HSD11B1L: variants seen among roughly 807,000 people sequenced by gnomAD.
HSD11B1L encodes hydroxysteroid 11-beta dehydrogenase 1 like.
In HSD11B1L, 22 loss-of-function variants were observed where a neutral mutation model predicts 27.0. The observed-to-expected ratio is 0.81, with a 90% CI of 0.58 to 1.16. The LOEUF is 1.16. Among genes scored for constraint, HSD11B1L ranks in the 50% most tolerant of loss-of-function variants. The pLI, the probability that HSD11B1L is intolerant of heterozygous loss-of-function variation, is 0.00. For synonymous variants in HSD11B1L, 187 were observed against 189.2 expected (o/e 0.99, Z 0.09); for missense variants, 372 against 401.8 (o/e 0.93, Z 0.63).
In HSD11B1L at chr19:5,686,947, G is replaced by A. The variant is rs1379300065; in HGVS notation, c.364G>A (p.Gly122Ser). The change falls in exon 5 of 8, where the codon GGC becomes AGC. Residue 122 changes from glycine to serine, a missense_variant. Coordinates refer to ENST00000339423, the MANE Select transcript of HSD11B1L (RefSeq NM_198706.3). ...VLNHIGGAPA[G>S]TRARSPQATR... is the part of the protein sequence containing the mutation. Reference sequence around the variant, plus strand: ...GAACCACATCGGCGGCGCCCCGGCCGGCACGCGAGCCCGCAGCCCCCAGGC... The same window carrying A: ...GAACCACATCGGCGGCGCCCCGGCCAGCACGCGAGCCCGCAGCCCCCAGGC... 1 of 1,552,800 alleles carries A rather than the reference G, an allele frequency of 6.4e-7. No individual in the cohort carries two copies. Among genetic ancestry groups the A allele is most frequent in the East Asian group, 2.4e-5 (1 of 41,124 alleles).
rs1472834899 is a variant in HSD11B1L, at chr19:5,687,108, A to G, written c.408+117A>G. ...GAGGGCTCTCCACCCGTCCCGCCCCAGCCACGCCCCTCCTAGCCCAAGCCC... is the reference window on the plus strand; with the variant it reads ...GAGGGCTCTCCACCCGTCCCGCCCCGGCCACGCCCCTCCTAGCCCAAGCCC... On this transcript the variant is annotated intron_variant, in intron 5 of 7. Transcript: ENST00000339423. This position sits in a 1 kb window ranked among gnomAD's most constrained non-coding sequence, Gnocchi z 6.6. 3 of 1,052,318 alleles carry G rather than the reference A, an allele frequency of 2.9e-6. 1 individual carries two copies. The highest frequency in any genetic ancestry group is 4.0e-6 in the Non-Finnish European group (3 of 742,862). 65.2% of individuals were successfully genotyped at this position (1,052,318 alleles called of 1,614,324 possible).
At position 5,686,937 on chromosome 19, in the gene HSD11B1L, C is replaced by A; in HGVS notation, c.354C>A (p.Gly118=). Reference sequence around the variant, plus strand: ...ACCTCGTGCTGAACCACATCGGCGGCGCCCCGGCCGGCACGCGAGCCCGCA... The same window carrying A: ...ACCTCGTGCTGAACCACATCGGCGGAGCCCCGGCCGGCACGCGAGCCCGCA... The part of the protein sequence containing the change: ...LDYLVLNHIG[G]APAGTRARSP... Residue 118 remains glycine (G), a synonymous_variant, in exon 5 of 8, where the codon GGC becomes GGA. Transcript: ENST00000339423. The A allele has an allele frequency of 6.4e-7, 1 of 1,552,890 alleles. No individual in the cohort carries two copies. Among genetic ancestry groups the A allele is most frequent in the Non-Finnish European group, 8.7e-7 (1 of 1,149,356 alleles).
Position 5,687,103 on chromosome 19 carries a change from GC to G in HSD11B1L, c.408+116del. 1 of 1,083,038 alleles carries G rather than the reference GC, an allele frequency of 9.2e-7. No homozygotes were observed. Among genetic ancestry groups the G allele is most frequent in the Non-Finnish European group, 1.3e-6 (1 of 755,964 alleles). The allele number at this position is 1,083,038 out of a possible 1,614,324, so 67.1% of individuals were successfully genotyped here. On this transcript the variant is annotated intron_variant, in intron 5 of 7. Transcript: ENST00000339423. This position sits in a 1 kb window ranked among gnomAD's most constrained non-coding sequence, Gnocchi z 6.6. ...CCAGGGAGGGCTCTCCACCCGTCCC[GC>G]CCCAGCCACGCCCCTCCTAGCCCAA...
chr19:5,685,253 C>T lies in HSD11B1L; in HGVS notation c.204+134C>T, dbSNP rs985641282. The T allele has an allele frequency of 1.9e-5, 23 of 1,198,990 alleles. No homozygotes were observed. Among genetic ancestry groups the T allele is most frequent in the Non-Finnish European group, 2.4e-5 (20 of 840,044 alleles). The allele number at this position is 1,198,990 out of a possible 1,614,324, so 74.3% of individuals were successfully genotyped here. On this transcript the variant is annotated intron_variant, in intron 3 of 7. Coordinates refer to ENST00000339423, the MANE Select transcript of HSD11B1L (RefSeq NM_198706.3). The surrounding 1 kb of genome is among the most constrained non-coding windows in gnomAD (Gnocchi z 4.3). The stretch of plus-strand genomic sequence containing the variant: ...AGTCGCCTAACCTCTCTGAGCCTCT[C>T]AGTTTCCTCATTTGCAAAACGGGGA...
intron 1 of HSD11B1L, among the ~76,000 whole-genome samples, chr19:5,681,967 A>T (rs2054565124): frequency 6.6e-6 from 1 of 152,166 alleles, no homozygotes; most frequent in African/African-American, 2.4e-5. Flanking sequence ...AGGGATGAGC[A>T]GAGGAGCTTC....
At position 5,685,189 on chromosome 19, in the gene HSD11B1L, TC is replaced by T; in HGVS notation, c.204+73del. ...GGGTGGGAAGAGAGCCTGGGTTTAATCCCTGCAATGATCCAGGCTTCCCGTG... is the reference window on the plus strand; with the variant it reads ...GGGTGGGAAGAGAGCCTGGGTTTAATCCTGCAATGATCCAGGCTTCCCGTG... On this transcript the variant is annotated intron_variant, in intron 3 of 7. Transcript: ENST00000339423. This position sits in a 1 kb window ranked among gnomAD's most constrained non-coding sequence, Gnocchi z 4.3. 1 of 1,514,992 alleles carries T rather than the reference TC, an allele frequency of 6.6e-7. No homozygotes were observed. Among genetic ancestry groups the T allele is most frequent in the Non-Finnish European group, 8.9e-7 (1 of 1,127,466 alleles). 93.8% of individuals were successfully genotyped at this position (1,514,992 alleles called of 1,614,324 possible).
chr19:5,686,234 G>A (rs1047906539), intron 3 of HSD11B1L, among the ~76,000 whole-genome samples, 182 bp from the exon 4 acceptor site: 2 of 151,980 alleles, frequency 1.3e-5, no homozygotes, highest in South Asian at 4.1e-4. Flanking sequence ...ATTCTGGCCC[G>A]CGGGCCTCCA....
In HSD11B1L at chr19:5,688,403, G is replaced by A. The variant is rs1378064325; in HGVS notation, c.*458G>A. On this transcript the variant is annotated 3_prime_UTR_variant, in exon 8 of 8. Coordinates refer to ENST00000339423, the MANE Select transcript of HSD11B1L (RefSeq NM_198706.3). ...GTCTCTGGTACTCTTCACACCTGCAGGGGCGTCTACACTGTTCGTCTACCT... is the reference window on the plus strand; with the variant it reads ...GTCTCTGGTACTCTTCACACCTGCAAGGGCGTCTACACTGTTCGTCTACCT... 5.0e-6 allele frequency: 3 copies of A among 598,946 alleles called. No individual in the cohort carries two copies. The Admixed American group carries it at 8.9e-5, about 18-fold the overall frequency. 37.1% of individuals were successfully genotyped at this position (598,946 alleles called of 1,614,324 possible). A position where few individuals can be genotyped will look rare whatever the true frequency, so the allele number is the denominator to read the frequency against.
chr19:5,684,053 A>T, intron 1 of HSD11B1L: 1 of 484,698 alleles, frequency 2.1e-6, no homozygotes. Flanking sequence ...TCGGCACACT[A>T]CAACTTCTGC....
Position 5,686,939 on chromosome 19 carries a change from C to T in HSD11B1L, c.356C>T (p.Ala119Val), listed in dbSNP as rs1387723392. Reference protein sequence around the residue: ...DYLVLNHIGGAPAGTRARSPQ... With the variant: ...DYLVLNHIGGVPAGTRARSPQ... The stretch of plus-strand genomic sequence containing the variant: ...CTCGTGCTGAACCACATCGGCGGCG[C>T]CCCGGCCGGCACGCGAGCCCGCAGC... The change falls in exon 5 of 8, where the codon GCC becomes GTC. Residue 119 changes from alanine to valine, a missense_variant. Coordinates refer to ENST00000339423, the MANE Select transcript of HSD11B1L (RefSeq NM_198706.3). The T allele has an allele frequency of 4.5e-6, 7 of 1,553,040 alleles. No homozygotes were observed. Among genetic ancestry groups the T allele is most frequent in the Admixed American group, 1.9e-5 (1 of 51,640 alleles).
At position 5,687,243 on chromosome 19, in the gene HSD11B1L, GC is replaced by G. The variant is rs1387107085; in HGVS notation, c.409-38del. 34 of 1,603,656 alleles carry G rather than the reference GC, an allele frequency of 2.1e-5. No homozygotes were observed. Among genetic ancestry groups the G allele is most frequent in the Non-Finnish European group, 2.9e-5 (34 of 1,174,662 alleles). The stretch of plus-strand genomic sequence containing the variant: ...GTTTCTGGCCCCGCCCTGCCCCTGG[GC>G]TCCGCCTCTGCCGGTGACTCGCGAG... On this transcript the variant is annotated intron_variant, in intron 5 of 7. Transcript: ENST00000339423. This position sits in a 1 kb window ranked among gnomAD's most constrained non-coding sequence, Gnocchi z 6.6.
In HSD11B1L at chr19:5,688,031, C is replaced by G. The variant is rs908601951; in HGVS notation, c.*86C>G. On this transcript the variant is annotated 3_prime_UTR_variant, in exon 8 of 8. Transcript: ENST00000339423. ...AGCCAGAACACTCACAGAGACACCC[C>G]TGAGAGGGTGGCCACAGCCCAAGAT... The G allele has an allele frequency of 6.4e-7, 1 of 1,551,450 alleles. No homozygotes were observed. Among genetic ancestry groups the G allele is most frequent in the African/African-American group, 1.4e-5 (1 of 73,064 alleles).
Position 5,687,531 on chromosome 19 carries a change from C to T in HSD11B1L, c.531C>T (p.Pro177=). 6.3e-7 allele frequency: 1 copy of T among 1,599,706 alleles called. No individual in the cohort carries two copies. The highest frequency in any genetic ancestry group is 8.5e-7 in the Non-Finnish European group (1 of 1,179,432). Residue 177 remains proline, a synonymous_variant, in exon 7 of 8, where the codon CCC becomes CCT. Coordinates refer to ENST00000339423, the MANE Select transcript of HSD11B1L (RefSeq NM_198706.3). This position sits in a 1 kb window ranked among gnomAD's most constrained non-coding sequence, Gnocchi z 6.6. The part of the protein sequence containing the change: ...LGRVPTSFST[P]YSAAKFALDG... The stretch of plus-strand genomic sequence containing the variant: ...GCGTGCCCACGTCGTTCTCCACTCC[C>T]TACTCGGCGGCCAAGTTTGCGCTGG...
chr19:5,681,880 C>T (rs1568296789), intron 1 of HSD11B1L, among the ~76,000 whole-genome samples: 1 of 152,234 alleles, frequency 6.6e-6, no homozygotes, highest in Non-Finnish European at 1.5e-5. Context: ...TCCACCCATC[C>T]GTCCACCCGT....
In HSD11B1L at chr19:5,687,024, CT is replaced by C. The variant is rs2054713304; in HGVS notation, c.408+34del. 6.6e-7 allele frequency: 1 copy of C among 1,510,384 alleles called. No homozygotes were observed. Among genetic ancestry groups the C allele is most frequent in the African/African-American group, 1.4e-5 (1 of 72,196 alleles). 93.6% of individuals were successfully genotyped at this position (1,510,384 alleles called of 1,614,324 possible). On this transcript the variant is annotated intron_variant, in intron 5 of 7. Coordinates refer to ENST00000339423, the MANE Select transcript of HSD11B1L (RefSeq NM_198706.3). The surrounding 1 kb of genome is among the most constrained non-coding windows in gnomAD (Gnocchi z 6.6). Reference sequence around the variant, plus strand: ...GCTCCTCCGCGGCCCCGGCCCGCCCCTCTATCTCAGGGACCGGTGGTCCGTT... The same window carrying C: ...GCTCCTCCGCGGCCCCGGCCCGCCCCCTATCTCAGGGACCGGTGGTCCGTT...
intron 1 of HSD11B1L, chr19:5,684,370 G>C (rs1568298632): frequency 3.0e-6 from 1 of 330,812 alleles, no homozygotes; most frequent in Non-Finnish European, 5.5e-6. Context: ...CAAGCCATTG[G>C]GTTATATCCG....
Position 5,687,889 on chromosome 19 carries a change from C to T in HSD11B1L, c.805C>T (p.Arg269Cys), listed in dbSNP as rs1360141750. Residue 269 changes from arginine to cysteine, a missense_variant, in exon 8 of 8, where the codon CGC becomes TGC. Transcript: ENST00000339423. This position sits in a 1 kb window ranked among gnomAD's most constrained non-coding sequence, Gnocchi z 6.6. The stretch of plus-strand genomic sequence containing the variant: ...GTGCTTGCTCCGGCGCTGGCTACCG[C>T]GCCCGCGGGCCTGGTTTATCCGCCA... ...LLCLLRRWLP[R>C]PRAWFIRQEL... 1 of 1,579,526 alleles carries T rather than the reference C, an allele frequency of 6.3e-7. No homozygotes were observed. The highest frequency in any genetic ancestry group is 1.1e-5 in the South Asian group (1 of 87,360).
Position 5,686,501 on chromosome 19 carries a change from T to C in HSD11B1L, c.290T>C (p.Val97Ala). The change falls in exon 4 of 8, where the codon GTG (valine) becomes GCG (alanine). Residue 97 changes from valine (V) to alanine (A), a missense_variant. Val to Ala is a moderately conservative substitution (Grantham distance 64). Coordinates refer to ENST00000339423, the MANE Select transcript of HSD11B1L (RefSeq NM_198706.3). ...DMASPEAPES[V>A]VQFALDKLGG... ...GCCTCCCCTGAGGCGCCCGAGAGCG[T>C]GGTGCAGTTTGCGCTGGACAAGCTG... is the stretch of plus-strand genomic sequence containing the variant. 6.3e-7 allele frequency: 1 copy of C among 1,582,884 alleles called. No homozygotes were observed. Among genetic ancestry groups the C allele is most frequent in the Non-Finnish European group, 8.6e-7 (1 of 1,166,190 alleles).
At chr19:5,682,134 T>C (rs1360660313) in intron 1 of HSD11B1L, among the ~76,000 whole-genome samples, 2 of 152,216 alleles carry the variant, frequency 1.3e-5, no homozygotes, top group Non-Finnish European at 2.9e-5. Context: ...TCAGGGGCTA[T>C]ACCTGCAGGG....
Sources: gnomAD v4.1 joint callset for allele counts (sites outside exome capture counted in the v4.1 genomes callset) on GRCh38, gnomAD v4.1.1 for gene constraint, Gnocchi (gnomAD v3.1) non-coding constraint, MANE v1.5 for transcripts, NCBI Gene and HGNC (gene_info 2026-07-23, HGNC 2026-07-21) for gene names.